MAF: variants seen among roughly 807,000 people sequenced by gnomAD.
MAF encodes transcription factor Maf.
In MAF, 10 loss-of-function variants were observed where a neutral mutation model predicts 22.0. The ratio of observed to expected loss-of-function variants is 0.45; its 90% CI spans 0.28 to 0.77. The LOEUF is 0.77. Among genes scored for constraint, MAF ranks in the 30% least tolerant of loss-of-function variants. The pLI, the probability that MAF is intolerant of heterozygous loss-of-function variation, is 0.12. For synonymous variants in MAF, 337 were observed against 255.8 expected (o/e 1.32, Z -3.03); for missense variants, 544 against 548.4 (o/e 0.99, Z 0.08).
the MAF span, among the ~76,000 whole-genome samples, chr16:79,429,245 T>C: frequency 1.3e-5 from 2 of 152,306 alleles, no homozygotes; most frequent in Non-Finnish European, 2.9e-5. Flanking sequence ...GTTCGTATTA[T>C]TCCGTAATGA....
At chr16:79,371,448 C>T in the MAF span, among the ~76,000 whole-genome samples, 3 of 152,158 alleles carry the variant, frequency 2.0e-5, no homozygotes, top group African/African-American at 2.4e-5. Flanking sequence ...CAACTTGCCA[C>T]ACTACCACTC....
At chr16:79,591,002 C>A (rs534498440), downstream of MAF, among the ~76,000 whole-genome samples, 1 of 152,258 alleles carries the variant, frequency 6.6e-6, no homozygotes, top group African/African-American at 2.4e-5. Context: ...GGACTCTGAA[C>A]TCCTGACCTA....
chr16:79,456,924 A>C, the MAF span, among the ~76,000 whole-genome samples: 1 of 147,710 alleles, frequency 6.8e-6, no homozygotes, highest in East Asian at 2.0e-4. Context: ...CTTCCTACAA[A>C]GCCATGTTTT....
the MAF span, among the ~76,000 whole-genome samples, chr16:79,542,924 T>A: frequency 0.2 from 29,844 of 152,170 alleles, 3,609 homozygotes; most frequent in Non-Finnish European, 0.28. Context: ...TGACCTATAA[T>A]AGTAAAGAAA....
chr16:79,425,207 G>T, the MAF span, among the ~76,000 whole-genome samples: 1 of 151,882 alleles, frequency 6.6e-6, no homozygotes, highest in Admixed American at 6.6e-5. Flanking sequence ...TCTTCTCATG[G>T]TACATTCCCA....
chr16:79,364,714 G>A, the MAF span, among the ~76,000 whole-genome samples: 198 of 152,286 alleles, frequency 1.3e-3, 1 homozygote, highest in African/African-American at 4.5e-3. Context: ...TTTGATAGAA[G>A]TGCTGACGTA....
At chr16:79,213,225 C>G in the MAF span, among the ~76,000 whole-genome samples, 1 of 152,168 alleles carries the variant, frequency 6.6e-6, no homozygotes. Flanking sequence ...GTTCCCCCTC[C>G]TGATCATGGC....
chr16:79,404,695 C>T, the MAF span, among the ~76,000 whole-genome samples: 8 of 151,894 alleles, frequency 5.3e-5, no homozygotes, highest in Admixed American at 2.0e-4. Context: ...AGACTGGGTA[C>T]GTCTCCCCAG....
the MAF span, among the ~76,000 whole-genome samples, chr16:79,393,164 C>T: frequency 2.6e-4 from 39 of 152,256 alleles, no homozygotes; most frequent in East Asian, 4.4e-3. Flanking sequence ...ATTTTGATTC[C>T]GTTATTTCTC....
At chr16:79,321,803 A>T in the MAF span, among the ~76,000 whole-genome samples, 1 of 151,804 alleles carries the variant, frequency 6.6e-6, no homozygotes, top group African/African-American at 2.4e-5. Context: ...GGTGCCCACC[A>T]CCACACCTGG....
chr16:79,485,193 A>T, the MAF span, among the ~76,000 whole-genome samples: 1 of 152,218 alleles, frequency 6.6e-6, no homozygotes, highest in East Asian at 1.9e-4. Context: ...CCCTGCCACT[A>T]CTTGCTGTGT....
the MAF span, among the ~76,000 whole-genome samples, chr16:79,519,200 G>A: frequency 6.6e-6 from 1 of 152,216 alleles, no homozygotes; most frequent in African/African-American, 2.4e-5. Flanking sequence ...ACTTGTCCAA[G>A]CCCCCAAACC....
the MAF span, among the ~76,000 whole-genome samples, chr16:79,519,444 C>T: frequency 6.6e-6 from 1 of 152,188 alleles, no homozygotes; most frequent in African/African-American, 2.4e-5. Context: ...AGTCTCTAAC[C>T]CAGAACACGT....
At chr16:79,397,361 G>T in the MAF span, among the ~76,000 whole-genome samples, 2 of 152,184 alleles carry the variant, frequency 1.3e-5, no homozygotes, top group Non-Finnish European at 2.9e-5. Flanking sequence ...CAGAGCATAT[G>T]TCTTACTCTG....
the MAF span, among the ~76,000 whole-genome samples, chr16:79,371,199 C>G: frequency 1.3e-5 from 2 of 151,872 alleles, no homozygotes; most frequent in Admixed American, 1.3e-4. Flanking sequence ...TTGACTGTTG[C>G]CTCTTCAACA....
the MAF span, among the ~76,000 whole-genome samples, chr16:79,208,027 C>A: frequency 6.6e-6 from 1 of 152,116 alleles, no homozygotes. Context: ...TTTCTAAATC[C>A]CACCTTTCTG....
the MAF span, among the ~76,000 whole-genome samples, chr16:79,269,303 C>T: frequency 2.6e-5 from 4 of 152,200 alleles, no homozygotes; most frequent in South Asian, 2.1e-4. Flanking sequence ...GAGTGAGTTA[C>T]ACCTTCCTCC....
the MAF span, among the ~76,000 whole-genome samples, chr16:79,221,568 T>A: frequency 6.6e-6 from 1 of 152,220 alleles, no homozygotes; most frequent in Non-Finnish European, 1.5e-5. Context: ...ATGATCCTTA[T>A]TAATAATACA....
At chr16:79,299,755 T>TGCCCGTGTGTTCCAATCACATGGCC in the MAF span, among the ~76,000 whole-genome samples, 1 of 152,208 alleles carries the variant, frequency 6.6e-6, no homozygotes, top group Non-Finnish European at 1.5e-5. Flanking sequence ...TCCACATGGG[T>TGCCCGTGTGTTCCAATCACATGGCC]GCCCGTGTGT....
Sources: allele counts gnomAD v4.1 joint callset (sites outside exome capture counted in the v4.1 genomes callset), GRCh38; gene constraint gnomAD v4.1.1; transcripts MANE v1.5; gene names NCBI Gene and HGNC (gene_info 2026-07-23, HGNC 2026-07-21).